NEGR1: variants seen among roughly 807,000 people sequenced by gnomAD.
The protein encoded by NEGR1 is IgLON family member 4.
Under a neutral mutation model 40.9 loss-of-function variants are expected in NEGR1, and 10 were observed. The observed-to-expected ratio is 0.24, with a 90% CI of 0.15 to 0.42. The LOEUF (loss-of-function observed/expected upper bound fraction) is 0.42. Among genes scored for constraint, NEGR1 ranks in the 10% least tolerant of loss-of-function variants. The pLI is 1.00. For missense variants in NEGR1, 352 were observed against 438.9 expected (o/e 0.80, Z 1.77); for synonymous variants, 185 against 166.8 (o/e 1.11, Z -0.84).
intron 2 of NEGR1, among the ~76,000 whole-genome samples, chr1:71,796,367 T>G (rs1570358178): frequency 6.6e-6 from 1 of 152,114 alleles, no homozygotes; most frequent in Non-Finnish European, 1.5e-5. Flanking sequence ...CAACTAGGTT[T>G]TGTGTGTGTG....
chr1:72,037,739 T>C (rs1452723705), intron 1 of NEGR1, among the ~76,000 whole-genome samples: 2 of 152,186 alleles, frequency 1.3e-5, no homozygotes, highest in Non-Finnish European at 2.9e-5. Context: ...TCTGAATCTA[T>C]TTCCATTAGG....
At chr1:72,174,412 T>C (rs2100400917) in intron 1 of NEGR1, among the ~76,000 whole-genome samples, 1 of 152,338 alleles carries the variant, frequency 6.6e-6, no homozygotes, top group South Asian at 2.1e-4. Context: ...TGGATAAATG[T>C]ATAATGACAT....
intron 6 of NEGR1, chr1:71,463,224 A>G (rs1425498542): frequency 6.6e-6 from 1 of 152,174 alleles, no homozygotes; most frequent in Non-Finnish European, 1.5e-5. Flanking sequence ...GGGCAAAATT[A>G]TTCAGTAAAA....
intron 1 of NEGR1, among the ~76,000 whole-genome samples, chr1:72,155,908 G>A (rs1465395283): frequency 6.6e-6 from 1 of 152,112 alleles, no homozygotes; most frequent in East Asian, 1.9e-4. Context: ...AGGAAATATG[G>A]AGAAAAAGTA....
intron 1 of NEGR1, among the ~76,000 whole-genome samples, chr1:72,268,842 T>C (rs1655742848): frequency 6.6e-6 from 1 of 151,354 alleles, no homozygotes; most frequent in Non-Finnish European, 1.5e-5. Context: ...CAATATAAAA[T>C]GGAAGGGTTT....
At chr1:71,901,156 T>C (rs1661133686) in intron 2 of NEGR1, among the ~76,000 whole-genome samples, 1 of 152,162 alleles carries the variant, frequency 6.6e-6, no homozygotes, top group African/African-American at 2.4e-5. Context: ...AAACATTCTA[T>C]CAATGCATGA....
rs2100522513 is a variant in NEGR1, at chr1:72,246,515, T to TTTC, written c.176+35801_176+35803dup. Among the ~76,000 whole-genome samples the TTTC allele has an allele frequency of 1.3e-5, 2 of 152,348 alleles. 1 individual carries two copies. The highest frequency in any genetic ancestry group is 3.9e-4 in the East Asian group (2 of 5,190). On this transcript the variant is annotated intron_variant, in intron 1 of 6. Coordinates refer to ENST00000357731, the MANE Select transcript of NEGR1 (RefSeq NM_173808.3). The stretch of plus-strand genomic sequence containing the variant: ...CCCATTTAAAAATCAGCTTAAGCAT[T>TTTC]TTCTTCTCTGTAAACTTTGACCACC...
At chr1:71,822,113 T>C (rs958141263) in intron 2 of NEGR1, among the ~76,000 whole-genome samples, 10 of 151,890 alleles carry the variant, frequency 6.6e-5, no homozygotes, top group African/African-American at 1.4e-4. Flanking sequence ...GAGGGAAAAT[T>C]ATTTCAGTGA....
At chr1:72,114,967 T>A (rs2100276909) in intron 1 of NEGR1, among the ~76,000 whole-genome samples, 1 of 151,886 alleles carries the variant, frequency 6.6e-6, no homozygotes, top group African/African-American at 2.4e-5. Context: ...GTGTTATATT[T>A]GTCACTATTG....
rs371680393 is a variant in NEGR1, at chr1:71,512,738, C to T, written c.940+80079G>A. Among the ~76,000 whole-genome samples, 65 of 152,114 alleles carry T rather than the reference C, an allele frequency of 4.3e-4. 1 individual carries two copies. The highest frequency in any genetic ancestry group is 1.4e-3 in the African/African-American group (60 of 41,502). ...CTGGGATTGCAGGTGCCCACCACCA[C>T]GCCTGGCTACGTTTTGCATTTTTAG... On this transcript the variant is annotated intron_variant, in intron 6 of 6. Coordinates refer to ENST00000357731, the MANE Select transcript of NEGR1 (RefSeq NM_173808.3).
intron 2 of NEGR1, among the ~76,000 whole-genome samples, chr1:71,883,468 T>A (rs1019205338): frequency 6.6e-6 from 1 of 152,122 alleles, no homozygotes; most frequent in Admixed American, 6.5e-5. Flanking sequence ...AGATAAATAA[T>A]TGAACACAAA....
intron 4 of NEGR1, among the ~76,000 whole-genome samples, chr1:71,628,571 C>A (rs1326181983): frequency 6.6e-6 from 1 of 151,936 alleles, no homozygotes; most frequent in African/African-American, 2.4e-5. Context: ...CCTAGCACCC[C>A]ACCCCCTGAC....
At chr1:71,948,025 G>A (rs1334546953) in intron 1 of NEGR1, among the ~76,000 whole-genome samples, 5 of 152,100 alleles carry the variant, frequency 3.3e-5, no homozygotes, top group African/African-American at 1.2e-4. Flanking sequence ...TATAATATAA[G>A]TTTACACATT....
intron 1 of NEGR1, among the ~76,000 whole-genome samples, chr1:72,170,181 A>G (rs1225044780): frequency 2.6e-5 from 4 of 152,128 alleles, no homozygotes; most frequent in Non-Finnish European, 5.9e-5. Context: ...CCTGCACTCA[A>G]ATATTTTTTG....
intron 1 of NEGR1, among the ~76,000 whole-genome samples, chr1:71,943,155 C>T (rs1645986644): frequency 7.1e-6 from 1 of 140,818 alleles, no homozygotes; most frequent in Non-Finnish European, 1.5e-5. Flanking sequence ...ATATATAAAA[C>T]AAACTTAACT....
At chr1:71,481,941 T>G (rs1646856678) in intron 6 of NEGR1, among the ~76,000 whole-genome samples, 1 of 151,812 alleles carries the variant, frequency 6.6e-6, no homozygotes, top group Admixed American at 6.6e-5. Flanking sequence ...TTTTTCTCAC[T>G]TTCTCTGTAC....
chr1:71,501,474 T>C (rs570770115), intron 6 of NEGR1, among the ~76,000 whole-genome samples: 1 of 152,250 alleles, frequency 6.6e-6, no homozygotes, highest in Admixed American at 6.5e-5. Context: ...TTGTCCTGAA[T>C]TGGGAAATGT....
intron 3 of NEGR1, among the ~76,000 whole-genome samples, chr1:71,772,286 C>A (rs944425209): frequency 6.6e-6 from 1 of 152,008 alleles, no homozygotes; most frequent in Non-Finnish European, 1.5e-5. Context: ...CGCTTGCGAT[C>A]CCAGCTAGTT....
At chr1:71,503,394 C>T (rs1279721081) in intron 6 of NEGR1, among the ~76,000 whole-genome samples, 5 of 152,102 alleles carry the variant, frequency 3.3e-5, no homozygotes, top group African/African-American at 9.7e-5. Flanking sequence ...AGCCCTGAGA[C>T]CCCCTACAAT....
Sources: gnomAD v4.1 joint callset for allele counts (sites outside exome capture counted in the v4.1 genomes callset) on GRCh38, gnomAD v4.1.1 for gene constraint, MANE v1.5 for transcripts, NCBI Gene and HGNC (gene_info 2026-07-23, HGNC 2026-07-21) for gene names.